Variants in SYT1 observed in about 807,000 individuals in gnomAD.
SYT1 encodes the protein synaptotagmin-1.
Under a neutral mutation model 44.8 loss-of-function variants are expected in SYT1, and 8 were observed. The observed-to-expected ratio is 0.18, with a 90% confidence interval of 0.10 to 0.32. The LOEUF (loss-of-function observed/expected upper bound fraction) is 0.32, where lower values mean the gene tolerates loss of function less well. Among genes scored for constraint, SYT1 ranks in the 10% least tolerant of loss-of-function variants. SYT1 has a pLI of 1.00. For synonymous variants in SYT1, 154 were observed against 188.8 expected (o/e 0.82, Z 1.51); for missense variants, 286 against 509.3 (o/e 0.56, Z 4.22).
chr12:78,911,381 A>T, intron 1 of SYT1, among the ~76,000 whole-genome samples: 1 of 151,934 alleles, frequency 6.6e-6, no homozygotes, highest in East Asian at 1.9e-4. Context: ...CAAGCTGTGG[A>T]TGTGGAAGAA....
intron 9 of SYT1, among the ~76,000 whole-genome samples, chr12:79,397,169 G>A (rs1647879104): frequency 1.3e-5 from 2 of 152,172 alleles, no homozygotes; most frequent in Admixed American, 6.5e-5. Flanking sequence ...GTAGAGGTTT[G>A]GAGGCCACTG....
chr12:78,867,734 T>A (rs1658012312), intron 1 of SYT1, among the ~76,000 whole-genome samples: 1 of 152,040 alleles, frequency 6.6e-6, no homozygotes, highest in South Asian at 2.1e-4. Context: ...CTTCATTTCA[T>A]AATGGAGAAT....
At chr12:79,039,564 G>GT (rs34252258) in intron 2 of SYT1, among the ~76,000 whole-genome samples, 30,137 of 150,892 alleles carry the variant, frequency 0.2, 3,340 homozygotes, top group East Asian at 0.3. Context: ...GAATAAAATA[G>GT]TTTTTTAATT....
intron 2 of SYT1, among the ~76,000 whole-genome samples, chr12:78,979,637 A>G (rs1461127308): frequency 2.0e-5 from 3 of 152,160 alleles, no homozygotes; most frequent in African/African-American, 7.2e-5. Flanking sequence ...ACATGTTTTC[A>G]TTACTTGGCT....
chr12:78,931,173 G>GGAAGAA (rs1877618151), intron 1 of SYT1, among the ~76,000 whole-genome samples: 1 of 109,590 alleles, frequency 9.1e-6, no homozygotes, highest in Non-Finnish European at 1.8e-5. Context: ...AAGAAAGAAA[G>GGAAGAA]AAAGAAAAAG....
At chr12:78,886,214 A>C (rs979067385) in intron 1 of SYT1, among the ~76,000 whole-genome samples, 5 of 151,998 alleles carry the variant, frequency 3.3e-5, no homozygotes, top group Non-Finnish European at 7.4e-5. Context: ...TATGATTGAA[A>C]GACTAATGCA....
chr12:79,218,190 T>G (rs1491000741), intron 4 of SYT1, among the ~76,000 whole-genome samples: 3 of 152,168 alleles, frequency 2.0e-5, no homozygotes, highest in Non-Finnish European at 4.4e-5. Flanking sequence ...TTTATTTGGA[T>G]AAGTATAGCA....
At chr12:78,887,001 G>A (rs1383239861) in intron 1 of SYT1, among the ~76,000 whole-genome samples, 1 of 151,944 alleles carries the variant, frequency 6.6e-6, no homozygotes, top group East Asian at 1.9e-4. Flanking sequence ...GGAAATAATG[G>A]TATCCCATGA....
intron 1 of SYT1, among the ~76,000 whole-genome samples, chr12:78,902,808 T>C (rs912273600): frequency 3.3e-5 from 5 of 152,192 alleles, no homozygotes; most frequent in Non-Finnish European, 5.9e-5. Flanking sequence ...TTGTTTGATC[T>C]TGACATCTGA....
At chr12:79,189,376 T>G (rs531179721) in intron 3 of SYT1, among the ~76,000 whole-genome samples, 55 of 152,298 alleles carry the variant, frequency 3.6e-4, no homozygotes, top group African/African-American at 1.3e-3. Flanking sequence ...CCTAGTTGAC[T>G]TTCAATAACT....
At chr12:79,241,806 G>T (rs1480384674) in intron 4 of SYT1, among the ~76,000 whole-genome samples, 3 of 152,190 alleles carry the variant, frequency 2.0e-5, no homozygotes, top group African/African-American at 7.2e-5. Flanking sequence ...GACTTCTTTA[G>T]AAATAGATCA....
At chr12:79,074,798 A>G (rs1278642701) in intron 3 of SYT1, among the ~76,000 whole-genome samples, 2 of 152,070 alleles carry the variant, frequency 1.3e-5, no homozygotes, top group African/African-American at 4.8e-5. Flanking sequence ...CCAATTCTGA[A>G]TGTGATTCCA....
intron 2 of SYT1, among the ~76,000 whole-genome samples, chr12:79,044,830 T>C (rs1269545018): frequency 6.6e-6 from 1 of 151,380 alleles, no homozygotes; most frequent in Non-Finnish European, 1.5e-5. Flanking sequence ...TTCTGTTTGT[T>C]AGTTTTCCTT....
At chr12:79,224,506 G>T (rs1398559293) in intron 4 of SYT1, among the ~76,000 whole-genome samples, 1 of 151,956 alleles carries the variant, frequency 6.6e-6, no homozygotes, top group Admixed American at 6.6e-5. Context: ...TAGAACCAAG[G>T]CCCTTAGGTA....
At chr12:79,068,635 C>G (rs1876041789) in intron 3 of SYT1, among the ~76,000 whole-genome samples, 2 of 152,096 alleles carry the variant, frequency 1.3e-5, no homozygotes, top group Admixed American at 1.3e-4. Context: ...GAGTTTATCA[C>G]ATATGGACAA....
chr12:79,378,665 C>T (rs1319456620), intron 9 of SYT1, among the ~76,000 whole-genome samples: 1 of 152,098 alleles, frequency 6.6e-6, no homozygotes, highest in African/African-American at 2.4e-5. Flanking sequence ...AGAAACAAAA[C>T]ATGACCCCCA....
chr12:79,116,964 G>A (rs1879309778), intron 3 of SYT1, among the ~76,000 whole-genome samples: 1 of 152,170 alleles, frequency 6.6e-6, no homozygotes, highest in Non-Finnish European at 1.5e-5. Flanking sequence ...AAATAGAGAA[G>A]CACTGATGTA....
At chr12:79,296,294 C>T (rs1464941014) in intron 7 of SYT1, 58 bp downstream of exon 7, 1 of 1,520,714 alleles carries the variant, frequency 6.6e-7, no homozygotes, top group African/African-American at 1.4e-5. Flanking sequence ...AAAGACTGAT[C>T]TCATCCTGAC....
chr12:79,164,248 C>T (rs979620985), intron 3 of SYT1, among the ~76,000 whole-genome samples: 1 of 152,052 alleles, frequency 6.6e-6, no homozygotes, highest in African/African-American at 2.4e-5. Flanking sequence ...GACACTACTG[C>T]GGAGGACCAC....
Sources: gnomAD v4.1 joint callset for allele counts (sites outside exome capture counted in the v4.1 genomes callset) on GRCh38, gnomAD v4.1.1 for gene constraint, MANE v1.5 for transcripts, NCBI Gene and HGNC (gene_info 2026-07-23, HGNC 2026-07-21) for gene names.